SRGAP2B: variants seen among roughly 807,000 people sequenced by gnomAD.
SRGAP2B encodes the protein SLIT-ROBO Rho GTPase activating protein 2B.
In SRGAP2B, 9 loss-of-function variants were observed where a neutral mutation model predicts 22.2. That is an observed-to-expected ratio of 0.41 (90% CI 0.24 to 0.71). SRGAP2B has a LOEUF of 0.71. Among genes scored for constraint, SRGAP2B ranks in the 30% least tolerant of loss-of-function variants. The pLI is 0.35. For missense variants in SRGAP2B, 114 were observed against 235.8 expected, an observed-to-expected ratio of 0.48 and a Z score of 3.38; for synonymous variants, 36 against 87.4, an observed-to-expected ratio of 0.41 and a Z score of 3.28.
intron 2 of SRGAP2B, among the ~76,000 whole-genome samples, chr1:144,998,857 C>T (rs1466315067): frequency 2.7e-5 from 4 of 150,848 alleles, no homozygotes; most frequent in Non-Finnish European, 5.9e-5. Flanking sequence ...CAATGGTCCC[C>T]AAGAAGGCAG....
chr1:145,036,147 T>C (rs1456831341), intron 2 of SRGAP2B, among the ~76,000 whole-genome samples: 1 of 136,156 alleles, frequency 7.3e-6, no homozygotes, highest in Admixed American at 7.3e-5. Flanking sequence ...CATCTCTTGG[T>C]ATTTCCTGCA....
intron 2 of SRGAP2B, among the ~76,000 whole-genome samples, chr1:145,045,318 G>A (rs1553628443): frequency 7.1e-6 from 1 of 141,678 alleles, no homozygotes. Flanking sequence ...AAAAAAGAAA[G>A]AAAGAAAAGA....
At chr1:144,922,919 T>C (rs1284025159) in intron 4 of SRGAP2B, among the ~76,000 whole-genome samples, 4 of 151,238 alleles carry the variant, frequency 2.6e-5, no homozygotes, top group Non-Finnish European at 5.9e-5. Context: ...CAAGTAATGC[T>C]AGTGGCCCTG....
chr1:144,941,559 A>G (rs1274974797), intron 4 of SRGAP2B, among the ~76,000 whole-genome samples: 1 of 150,304 alleles, frequency 6.7e-6, no homozygotes, highest in Non-Finnish European at 1.5e-5. Flanking sequence ...AAGCAAAGAA[A>G]GGTAGGATCT....
At chr1:144,984,827 C>T (rs57560271) in intron 3 of SRGAP2B, among the ~76,000 whole-genome samples, 3 of 150,740 alleles carry the variant, frequency 2.0e-5, no homozygotes, top group Admixed American at 6.6e-5. Context: ...GTGTCTATTG[C>T]ATAGAGCCAA....
At chr1:144,955,460 G>C in exon 4 of SRGAP2B, 1 of 1,584,912 alleles carries the variant, frequency 6.3e-7, no homozygotes, top group Non-Finnish European at 8.6e-7. Context: ...GTCTTCCTGA[G>C]TCCTCGCTGA....
Position 145,041,487 on chromosome 1 carries a change from C to CAA in SRGAP2B, c.68-46289_68-46288dup, listed in dbSNP as rs4058416. 1.2e-3 allele frequency among the ~76,000 whole-genome samples: 71 copies of CAA among 57,394 alleles called. 1 individual carries two copies. The highest frequency in any genetic ancestry group is 2.6e-3 in the African/African-American group (32 of 12,544). The allele number at this position is 57,394 out of a possible 152,430, so 37.7% of individuals were successfully genotyped here. ...GGGAAACAAGAGTGAGACCCCATCT[C>CAA]AAAAAAAAAAAAAAAAAAAAAAATA... On this transcript the variant is annotated intron_variant, in intron 2 of 9. Coordinates refer to ENST00000612199, the Ensembl canonical transcript of SRGAP2B.
intron 1 of SRGAP2B, among the ~76,000 whole-genome samples, chr1:145,093,798 C>T (rs2102516826): frequency 6.9e-6 from 1 of 145,810 alleles, no homozygotes; most frequent in East Asian, 2.1e-4. Context: ...CCCGACGTGG[C>T]CCCAGACCCC....
At chr1:144,904,188 A>C (rs1445674506) in intron 7 of SRGAP2B, among the ~76,000 whole-genome samples, 1 of 150,526 alleles carries the variant, frequency 6.6e-6, no homozygotes, top group Non-Finnish European at 1.5e-5. Context: ...AACCTTGGAC[A>C]AGTGAGTCTC....
intron 3 of SRGAP2B, among the ~76,000 whole-genome samples, chr1:144,977,941 AC>A (rs1669017102): frequency 1.1e-5 from 1 of 88,578 alleles, no homozygotes; most frequent in Non-Finnish European, 2.2e-5. Context: ...ACAGGATCCT[AC>A]ACCTCTTTGT....
chr1:144,967,582 C>T (rs1381538061), intron 3 of SRGAP2B, among the ~76,000 whole-genome samples: 3 of 146,894 alleles, frequency 2.0e-5, no homozygotes, highest in African/African-American at 7.9e-5. Context: ...ATTAAAAGAA[C>T]TAGAAAAGCA....
At chr1:145,058,070 T>C (rs1459487934) in intron 2 of SRGAP2B, among the ~76,000 whole-genome samples, 1 of 148,624 alleles carries the variant, frequency 6.7e-6, no homozygotes, top group Non-Finnish European at 1.5e-5. Flanking sequence ...AAGGTCAGGT[T>C]CAGCAGCCCT....
At chr1:145,078,843 GT>G (rs587734720) in intron 2 of SRGAP2B, among the ~76,000 whole-genome samples, 1 of 35,016 alleles carries the variant, frequency 2.9e-5, no homozygotes, top group South Asian at 2.0e-3. Flanking sequence ...GCAAGAGAAG[GT>G]TAGAAACTTG....
chr1:144,994,358 AATG>A (rs1670492267), intron 3 of SRGAP2B, among the ~76,000 whole-genome samples: 1 of 139,154 alleles, frequency 7.2e-6, no homozygotes. Context: ...GAACCAAGTG[AATG>A]GGCCAGCTGT....
At position 144,901,670 on chromosome 1, in the gene SRGAP2B, AAGAGACAAG is replaced by A. The variant is rs1352148999; in HGVS notation, c.831+3412_831+3420del. ...GCCTTGGGGTGGGGGACTGGCTGGGAAGAGACAAGAGAAACTTTCTGAGGCAATGGAAAG... is the reference window on the plus strand; with the variant it reads ...GCCTTGGGGTGGGGGACTGGCTGGGAAGAAACTTTCTGAGGCAATGGAAAG... On this transcript the variant is annotated intron_variant, in intron 7 of 9. Coordinates refer to ENST00000612199, the Ensembl canonical transcript of SRGAP2B. Among the ~76,000 whole-genome samples, 2 of 144,916 alleles carry A rather than the reference AAGAGACAAG, an allele frequency of 1.4e-5. 1 individual carries two copies. Among genetic ancestry groups the A allele is most frequent in the Admixed American group, 1.3e-4 (2 of 14,912 alleles).
intron 2 of SRGAP2B, among the ~76,000 whole-genome samples, chr1:145,017,768 T>C (rs1392843294): frequency 6.7e-6 from 1 of 149,398 alleles, no homozygotes; most frequent in African/African-American, 2.5e-5. Flanking sequence ...GCTTTCCCTG[T>C]CTTTAACAAT....
intron 2 of SRGAP2B, among the ~76,000 whole-genome samples, chr1:145,044,090 T>G: frequency 2.8e-5 from 1 of 35,950 alleles, no homozygotes; most frequent in Non-Finnish European, 4.6e-5. Flanking sequence ...GGAGAGGAGG[T>G]TCACAAAAGT....
At chr1:144,933,325 A>T (rs1392445672) in intron 4 of SRGAP2B, among the ~76,000 whole-genome samples, 3 of 150,202 alleles carry the variant, frequency 2.0e-5, no homozygotes, top group Non-Finnish European at 4.4e-5. Context: ...AGCTCACATC[A>T]GCAGCGGCAG....
intron 3 of SRGAP2B, among the ~76,000 whole-genome samples, chr1:144,991,155 G>A (rs1202417344): frequency 1.3e-5 from 2 of 151,014 alleles, no homozygotes; most frequent in African/African-American, 4.9e-5. Flanking sequence ...TGTAGCTCAG[G>A]GATTGTAAAT....
Sources: gnomAD v4.1 joint callset for allele counts (sites outside exome capture counted in the v4.1 genomes callset) on GRCh38, gnomAD v4.1.1 for gene constraint, MANE v1.5 for transcripts, NCBI Gene and HGNC (gene_info 2026-07-23, HGNC 2026-07-21) for gene names.